Variants in DCDC1 observed in about 807,000 individuals in gnomAD.
DCDC1 encodes doublecortin domain containing 1, also known as doublecortin domain-containing protein 1.
A neutral mutation model predicts 178.3 loss-of-function variants in DCDC1; 200 were observed. That is an observed-to-expected ratio of 1.12 (90% CI 1.00 to 1.26). The LOEUF (loss-of-function observed/expected upper bound fraction) is 1.26. Ranked by LOEUF, DCDC1 falls within the 50% of genes most tolerant of loss-of-function variation. DCDC1 has a pLI of 0.00. For synonymous variants in DCDC1, 690 were observed against 604.8 expected (o/e 1.14, Z -2.07); for missense variants, 1,983 against 1,749.2 (o/e 1.13, Z -2.38).
intron 38 of DCDC1, among the ~76,000 whole-genome samples, chr11:30,874,098 C>T (rs1352431710): frequency 6.6e-6 from 1 of 152,184 alleles, no homozygotes; most frequent in African/African-American, 2.4e-5. Flanking sequence ...TCATTGTCTT[C>T]ATAGCCCCTG....
intron 38 of DCDC1, among the ~76,000 whole-genome samples, chr11:30,871,050 C>A (rs1941502607): frequency 6.6e-6 from 1 of 152,168 alleles, no homozygotes; most frequent in African/African-American, 2.4e-5. Flanking sequence ...ACATCCTAAT[C>A]TAAAGGAATG....
intron 10 of DCDC1, among the ~76,000 whole-genome samples, chr11:31,135,229 A>G (rs1360956943): frequency 6.6e-6 from 1 of 152,222 alleles, no homozygotes; most frequent in Non-Finnish European, 1.5e-5. Context: ...TATACAAATC[A>G]TAGGAAAAAT....
chr11:31,064,332 C>T, intron 20 of DCDC1, 137 bp downstream of exon 20: 1 of 585,902 alleles, frequency 1.7e-6, no homozygotes, highest in Non-Finnish European at 3.1e-6. Context: ...TCAAATGTGA[C>T]CCAAAAACTA....
At chr11:30,912,442 C>T (rs1268870021) in intron 27 of DCDC1, among the ~76,000 whole-genome samples, 1 of 152,106 alleles carries the variant, frequency 6.6e-6, no homozygotes, top group Admixed American at 6.5e-5. Flanking sequence ...TGCCACTACG[C>T]CCAGCTAATT....
At chr11:31,287,496 A>T (rs1946919853) in intron 7 of DCDC1, among the ~76,000 whole-genome samples, 1 of 151,986 alleles carries the variant, frequency 6.6e-6, no homozygotes, top group East Asian at 1.9e-4. Context: ...CTGAAAAGAC[A>T]TCCTGAGTAT....
chr11:31,121,033 T>A (rs1236195367), intron 11 of DCDC1, among the ~76,000 whole-genome samples: 1 of 152,002 alleles, frequency 6.6e-6, no homozygotes, highest in Non-Finnish European at 1.5e-5. Context: ...TGACAGGGAA[T>A]AAGGGGTAAG....
intron 17 of DCDC1, among the ~76,000 whole-genome samples, chr11:31,089,648 G>A (rs1310682729): frequency 2.7e-5 from 4 of 148,082 alleles, no homozygotes; most frequent in Non-Finnish European, 5.9e-5. Context: ...TTTCTCTCCG[G>A]TTTTCCTTGT....
At position 30,920,792 on chromosome 11, in the gene DCDC1, C is replaced by G. The variant is rs1482285128; in HGVS notation, c.3277G>C (p.Ala1093Pro). The change falls in exon 25 of 39, where the codon GCT becomes CCT. Residue 1093 changes from alanine (A) to proline (P), a missense_variant. Transcript: ENST00000684477. ...ATTACTTACAGAATTTCACTGGAAG[C>G]ATTTTCCGTTGTTAGAGGATCTTCT... ...MQEDPLTTEN[A>P]SSEILDSHVR... The G allele has an allele frequency of 1.9e-6, 3 of 1,613,566 alleles. No homozygotes were observed. In the Admixed American group the frequency reaches 5.0e-5, roughly 27 times the overall value.
intron 20 of DCDC1, among the ~76,000 whole-genome samples, chr11:31,058,036 C>T (rs528648962): frequency 2.2e-4 from 34 of 152,134 alleles, no homozygotes; most frequent in South Asian, 2.1e-4. Context: ...ATCCCCAGTG[C>T]CTAGGATACC....
chr11:31,296,122 C>A (rs1027791147), intron 6 of DCDC1, among the ~76,000 whole-genome samples: 6 of 152,154 alleles, frequency 3.9e-5, no homozygotes, highest in Non-Finnish European at 5.9e-5. Flanking sequence ...GCCAGCCCAT[C>A]AGGGGTCTGT....
intron 20 of DCDC1, among the ~76,000 whole-genome samples, chr11:31,026,391 A>G (rs141425577): frequency 6.6e-6 from 1 of 151,950 alleles, no homozygotes; most frequent in Non-Finnish European, 1.5e-5. Flanking sequence ...CACCAATCCC[A>G]AGACGTTATG....
chr11:31,297,609 T>A (rs192817757), intron 6 of DCDC1, among the ~76,000 whole-genome samples: 1 of 152,264 alleles, frequency 6.6e-6, no homozygotes, highest in Non-Finnish European at 1.5e-5. Context: ...CCTCCCAAAG[T>A]GCTGGGATCA....
intron 20 of DCDC1, among the ~76,000 whole-genome samples, chr11:30,997,450 G>A (rs974424316): frequency 1.3e-5 from 2 of 152,020 alleles, no homozygotes; most frequent in African/African-American, 4.8e-5. Flanking sequence ...AAGGGGTAAG[G>A]AAGAAAAGCG....
intron 8 of DCDC1, among the ~76,000 whole-genome samples, chr11:31,242,811 G>T (rs1977330443): frequency 1.3e-5 from 2 of 151,852 alleles, no homozygotes; most frequent in South Asian, 4.1e-4. Context: ...TTTTGCTCTT[G>T]GTAAAAAAGT....
chr11:31,027,346 T>C (rs969349722), intron 20 of DCDC1, among the ~76,000 whole-genome samples: 9 of 151,886 alleles, frequency 5.9e-5, no homozygotes, highest in African/African-American at 2.2e-4. Flanking sequence ...CCACTGTGTG[T>C]TAAAGGCACA....
intron 2 of DCDC1, among the ~76,000 whole-genome samples, chr11:31,330,171 T>C (rs987308236): frequency 4.6e-5 from 7 of 152,260 alleles, no homozygotes; most frequent in Non-Finnish European, 8.8e-5. Flanking sequence ...CATTTTTTCA[T>C]GTGTCTGTTG....
At chr11:31,063,146 A>G (rs1312602356) in intron 20 of DCDC1, among the ~76,000 whole-genome samples, 2 of 152,094 alleles carry the variant, frequency 1.3e-5, no homozygotes, top group East Asian at 3.9e-4. Context: ...CAAAACCACA[A>G]TGAGATACCA....
intron 8 of DCDC1, chr11:31,262,881 T>C (rs1338022432): frequency 1.9e-6 from 1 of 536,748 alleles, no homozygotes; most frequent in Non-Finnish European, 3.1e-6. Flanking sequence ...AGTGAACTTG[T>C]AATGCTTCCA....
At chr11:31,094,436 A>C (rs1045685617) in intron 15 of DCDC1, among the ~76,000 whole-genome samples, 1 of 152,156 alleles carries the variant, frequency 6.6e-6, no homozygotes, top group Non-Finnish European at 1.5e-5. Context: ...AGAAACATAC[A>C]ACAGAGTAGA....
Sources: allele counts gnomAD v4.1 joint callset (sites outside exome capture counted in the v4.1 genomes callset), GRCh38; gene constraint gnomAD v4.1.1; transcripts MANE v1.5; gene names NCBI Gene and HGNC (gene_info 2026-07-23, HGNC 2026-07-21).